STAU1: variants seen among roughly 807,000 people sequenced by gnomAD.
STAU1 encodes double-stranded RNA-binding protein Staufen homolog 1.
In STAU1, 13 loss-of-function variants were observed where a neutral mutation model predicts 62.9. That is an observed-to-expected ratio of 0.21 (90% CI 0.13 to 0.33). The LOEUF (loss-of-function observed/expected upper bound fraction) is 0.33, where lower values mean the gene tolerates loss of function less well. STAU1 is among the 10% of genes least tolerant of loss of function. STAU1 has a pLI of 1.00. For synonymous variants in STAU1, 269 were observed against 265.1 expected (o/e 1.01, Z -0.14); for missense variants, 571 against 712.1 (o/e 0.80, Z 2.25).
At chr20:49,187,162 C>G (rs1367896082) in intron 1 of STAU1, among the ~76,000 whole-genome samples, 2 of 152,166 alleles carry the variant, frequency 1.3e-5, no homozygotes, top group Non-Finnish European at 2.9e-5. Context: ...TCAAGGGAAG[C>G]TTCTGCCAGC....
intron 5 of STAU1, among the ~76,000 whole-genome samples, chr20:49,140,154 C>G (rs1158786407): frequency 1.3e-5 from 2 of 151,804 alleles, no homozygotes; most frequent in Admixed American, 1.3e-4. Flanking sequence ...CCACTGCATT[C>G]CAGTCCAGTG....
chr20:49,177,461 G>C (rs576395107), intron 1 of STAU1, among the ~76,000 whole-genome samples: 9 of 151,520 alleles, frequency 5.9e-5, no homozygotes, highest in African/African-American at 2.2e-4. Context: ...GGCAGATCCC[G>C]AAGTCAGGAG....
At chr20:49,154,274 C>T (rs944303046) in intron 3 of STAU1, among the ~76,000 whole-genome samples, 1 of 152,172 alleles carries the variant, frequency 6.6e-6, no homozygotes, top group Non-Finnish European at 1.5e-5. Flanking sequence ...GTCGACAGCA[C>T]AAAATCTACT....
rs372133247 is a variant in STAU1 at position 49,136,461 on chromosome 20, A to C, written c.511-530T>G. Among the ~76,000 whole-genome samples, 8 of 152,366 alleles carry C rather than the reference A, an allele frequency of 5.3e-5. No homozygotes were observed. In the East Asian group the frequency reaches 7.7e-4, roughly 15 times the overall value. On this transcript the variant is annotated intron_variant, in intron 5 of 13. Transcript: ENST00000371856. ...TCAAGTTTGAGTCAAATTGTACCTCATAAGTTCACCAAAAACAATCCGCAC... is the reference window on the plus strand; with the variant it reads ...TCAAGTTTGAGTCAAATTGTACCTCCTAAGTTCACCAAAAACAATCCGCAC...
chr20:49,136,548 G>A (rs983568562), intron 5 of STAU1, among the ~76,000 whole-genome samples: 3 of 152,168 alleles, frequency 2.0e-5, no homozygotes, highest in African/African-American at 2.4e-5. Context: ...ACTGCTGCTC[G>A]GAACAGTGAC....
rs1467938072 is a variant in STAU1, at chr20:49,188,185, A to T, written c.-229T>A. Reference sequence around the variant, plus strand: ...GGTGGCGGCGAGGAGGGGAAGGAAGAAGGAAAAAAGGGAGAGGAAGAAGGG... The same window carrying T: ...GGTGGCGGCGAGGAGGGGAAGGAAGTAGGAAAAAAGGGAGAGGAAGAAGGG... On this transcript the variant is annotated 5_prime_UTR_variant, in exon 1 of 14. Transcript: ENST00000371856. 1 of 151,340 alleles carries T rather than the reference A, an allele frequency of 6.6e-6. No individual in the cohort carries two copies. Among genetic ancestry groups the T allele is most frequent in the Non-Finnish European group, 1.5e-5 (1 of 67,958 alleles). The allele number at this position is 151,340 out of a possible 1,614,324, so 9.4% of individuals were successfully genotyped here. A position where few individuals can be genotyped will look rare whatever the true frequency, so the allele number is the denominator to read the frequency against.
At chr20:49,206,306 C>G in the STAU1 span, among the ~76,000 whole-genome samples, 2 of 150,880 alleles carry the variant, frequency 1.3e-5, no homozygotes, top group South Asian at 4.2e-4. Flanking sequence ...AATTAATTTT[C>G]TTAATCAAAG....
the STAU1 span, among the ~76,000 whole-genome samples, chr20:49,200,340 T>G: frequency 6.6e-6 from 1 of 152,168 alleles, no homozygotes; most frequent in African/African-American, 2.4e-5. Context: ...GGCTCACGCC[T>G]GTAATCCCAG....
chr20:49,206,426 T>C, the STAU1 span, among the ~76,000 whole-genome samples: 3 of 140,758 alleles, frequency 2.1e-5, no homozygotes, highest in Non-Finnish European at 4.6e-5. Context: ...TTTTTTTTTT[T>C]TTTTTTTTTT....
chr20:49,117,890 G>A lies in STAU1; in HGVS notation c.1396C>T (p.Pro466Ser). 1 of 1,614,174 alleles carries A rather than the reference G, an allele frequency of 6.2e-7. No homozygotes were observed. The highest frequency in any genetic ancestry group is 8.5e-7 in the Non-Finnish European group (1 of 1,180,034). ...TTCTTTAAAATGGTCTCGGCTGTGG[G>A]CGAGGTGCCCCCATACAACAACTCT... ...ARELLYGGTS[P>S]TAETILKNNI... The change falls in exon 11 of 14, where the codon CCC becomes TCC. Residue 466 changes from proline (P) to serine (S), a missense_variant. Transcript: ENST00000371856. This position sits in a 1 kb window ranked among gnomAD's most constrained non-coding sequence, Gnocchi z 4.6.
At chr20:49,144,936 T>C (rs1011624804) in intron 5 of STAU1, among the ~76,000 whole-genome samples, 12 of 152,058 alleles carry the variant, frequency 7.9e-5, no homozygotes, top group African/African-American at 2.9e-4. Flanking sequence ...CACAGGAAAA[T>C]TAAGATCCCT....
In STAU1 at chr20:49,151,735, T is replaced by C; in HGVS notation, c.357A>G (p.Pro119=). Residue 119 remains proline, a synonymous_variant, in exon 5 of 14, where the codon CCA becomes CCG. Transcript: ENST00000371856. The part of the protein sequence containing the change: ...GGAYPPRYFY[P]FPVPPLLYQV... ...GATAAAGTAAAGGTGGAACTGGAAA[T>C]GGGTAAAAGTACCTAGAAATAAAAG... is the stretch of plus-strand genomic sequence containing the variant. 1 of 1,609,290 alleles carries C rather than the reference T, an allele frequency of 6.2e-7. No individual in the cohort carries two copies. The highest frequency in any genetic ancestry group is 8.5e-7 in the Non-Finnish European group (1 of 1,178,584).
At chr20:49,207,309 T>C in the STAU1 span, among the ~76,000 whole-genome samples, 1 of 151,864 alleles carries the variant, frequency 6.6e-6, no homozygotes, top group African/African-American at 2.4e-5. Flanking sequence ...CCATGCCACT[T>C]TTCTCTCGCC....
rs1335051950 is a variant in STAU1 at position 49,119,992 on chromosome 20, G to A, written c.1103C>T (p.Ser368Leu). The change falls in exon 9 of 14, where the codon TCA becomes TTA. Residue 368 changes from serine (S) to leucine (L), a missense_variant. Ser to Leu is a moderately radical substitution (Grantham distance 145). Around this residue, in one of 3 missense-constraint regions of STAU1, gnomAD observed 414 missense variants for 499.6 expected, o/e 0.83. Transcript: ENST00000371856. ...GCCCACAGCACTCACCTTCTCCTCT[G>A]ACTTGAGTGCGGGTTTGGTGGGCTG... ...QAQPTKPALKSEEKTPIKKPG... is the reference protein window; with the variant it reads ...QAQPTKPALKLEEKTPIKKPG... 1.9e-6 allele frequency: 3 copies of A among 1,613,950 alleles called. No individual in the cohort carries two copies. Among genetic ancestry groups the A allele is most frequent in the Non-Finnish European group, 2.5e-6 (3 of 1,179,958 alleles).
intron 5 of STAU1, among the ~76,000 whole-genome samples, chr20:49,142,795 CTCTTTTACACAATTTTTT>C (rs2093038445): frequency 6.6e-6 from 1 of 152,062 alleles, no homozygotes; most frequent in Admixed American, 6.6e-5. Context: ...AATTATTTTG[CTCTTTTACACAATTTTTT>C]TCTTTTGAGA....
chr20:49,130,889 G>A (rs1405053631), intron 6 of STAU1, among the ~76,000 whole-genome samples: 2 of 151,106 alleles, frequency 1.3e-5, no homozygotes, highest in African/African-American at 4.9e-5. Context: ...AGTGAGCTGA[G>A]ATCACATCAC....
In STAU1 at chr20:49,158,515, A is replaced by G. The variant is rs1394497218; in HGVS notation, c.206-4444T>C. 6 of 1,303,920 alleles carry G rather than the reference A, an allele frequency of 4.6e-6. No individual in the cohort carries two copies. The African/African-American group carries it at 9.1e-5, about 20-fold the overall frequency. The allele number at this position is 1,303,920 out of a possible 1,614,324, so 80.8% of individuals were successfully genotyped here. ...GGCTTCCACTAAAGGAAAAAAACAAAGAATCCTTTATTGGCCAGGTGCAGT... is the reference window on the plus strand; with the variant it reads ...GGCTTCCACTAAAGGAAAAAAACAAGGAATCCTTTATTGGCCAGGTGCAGT... On this transcript the variant is annotated intron_variant, in intron 3 of 13. Coordinates refer to ENST00000371856, the MANE Select transcript of STAU1 (RefSeq NM_017453.4).
At chr20:49,193,735 A>C in the STAU1 span, among the ~76,000 whole-genome samples, 9 of 152,136 alleles carry the variant, frequency 5.9e-5, no homozygotes, top group African/African-American at 1.9e-4. Context: ...TTGGGAGGCC[A>C]AGGCAGGCGG....
At chr20:49,206,291 G>T in the STAU1 span, among the ~76,000 whole-genome samples, 1 of 151,786 alleles carries the variant, frequency 6.6e-6, no homozygotes, top group East Asian at 1.9e-4. Flanking sequence ...ACCGCACCCG[G>T]CCAAAATTAA....
Sources: gnomAD v4.1 joint callset for allele counts (sites outside exome capture counted in the v4.1 genomes callset) on GRCh38, gnomAD v4.1.1 for gene constraint, gnomAD v4.1.1 regional missense constraint, Gnocchi (gnomAD v3.1) non-coding constraint, MANE v1.5 for transcripts, NCBI Gene and HGNC (gene_info 2026-07-23, HGNC 2026-07-21) for gene names.